Variants in RTTN observed in about 807,000 individuals in gnomAD.
RTTN encodes the protein rotatin.
RTTN carries 182 observed loss-of-function variants against 269.2 expected under a neutral mutation model. The observed-to-expected ratio is 0.68, with a 90% confidence interval of 0.60 to 0.76. RTTN has a LOEUF of 0.76. Ranked by LOEUF, RTTN falls within the 30% of genes least tolerant of loss-of-function variation. The pLI, the probability that RTTN is intolerant of heterozygous loss-of-function variation, is 0.00. For synonymous variants in RTTN, 1,006 were observed against 963.5 expected, an observed-to-expected ratio of 1.04 and a Z score of -0.82; for missense variants, 2,545 against 2,608.6, an observed-to-expected ratio of 0.98 and a Z score of 0.53.
At chr18:70,082,213 T>A (rs1291008787) in intron 32 of RTTN, among the ~76,000 whole-genome samples, 1 of 152,156 alleles carries the variant, frequency 6.6e-6, no homozygotes, top group Non-Finnish European at 1.5e-5. Context: ...CCCTTTACAT[T>A]TAAATGTGAG....
chr18:70,180,926 G>A (rs539198167), intron 10 of RTTN, among the ~76,000 whole-genome samples: 3 of 152,242 alleles, frequency 2.0e-5, no homozygotes, highest in South Asian at 4.2e-4. Context: ...GATATCCCAA[G>A]TGCCTAGCAT....
intron 8 of RTTN, among the ~76,000 whole-genome samples, chr18:70,192,042 T>C (rs905910886): frequency 6.6e-6 from 1 of 152,196 alleles, no homozygotes; most frequent in Non-Finnish European, 1.5e-5. Flanking sequence ...CCAACTGTTA[T>C]GCTCTTAACC....
chr18:70,137,884 A>G (rs1429557607), intron 21 of RTTN, among the ~76,000 whole-genome samples: 1 of 152,220 alleles, frequency 6.6e-6, no homozygotes, highest in East Asian at 1.9e-4. Context: ...TACCATGCTC[A>G]CCAATATAAC....
At chr18:70,205,395 G>A (rs1192542069) in intron 1 of RTTN, 80 bp from the exon 2 acceptor site, 1 of 1,557,958 alleles carries the variant, frequency 6.4e-7, no homozygotes, top group Non-Finnish European at 8.8e-7. Context: ...CAGGAGCGGC[G>A]TGAAGACGGA....
intron 14 of RTTN, among the ~76,000 whole-genome samples, chr18:70,161,785 A>T (rs2060838202): frequency 6.6e-6 from 1 of 152,168 alleles, no homozygotes; most frequent in Non-Finnish European, 1.5e-5. Context: ...TCAAATCAAA[A>T]CCACAATGAG....
At chr18:70,167,874 C>T (rs1568498628) in intron 12 of RTTN, among the ~76,000 whole-genome samples, 1 of 152,032 alleles carries the variant, frequency 6.6e-6, no homozygotes, top group Non-Finnish European at 1.5e-5. Flanking sequence ...AGGCCAGGCA[C>T]GGTGGCTAAC....
At chr18:70,169,101 T>G in intron 11 of RTTN, 34 bp from the exon 12 acceptor site, 1 of 1,500,878 alleles carries the variant, frequency 6.7e-7, no homozygotes, top group Non-Finnish European at 9.0e-7. Flanking sequence ...AAATTAAAAC[T>G]TTGTTTAAAA....
chr18:70,167,084 T>C, intron 12 of RTTN, 53 bp from the exon 13 acceptor site: 1 of 1,159,536 alleles, frequency 8.6e-7, no homozygotes, highest in Non-Finnish European at 1.3e-6. Context: ...TGCAATGATA[T>C]TCTCAACAGC....
intron 34 of RTTN, among the ~76,000 whole-genome samples, chr18:70,066,316 A>C (rs963551404): frequency 6.6e-6 from 1 of 152,204 alleles, no homozygotes; most frequent in Non-Finnish European, 1.5e-5. Context: ...TCCAAATGGC[A>C]CATATAAATT....
rs368417649 is a variant in RTTN, at chr18:70,169,043, T to C, written c.1501A>G (p.Met501Val). 4.2e-5 allele frequency: 67 copies of C among 1,599,504 alleles called. No individual in the cohort carries two copies. Among genetic ancestry groups the C allele is most frequent in the Non-Finnish European group, 5.1e-5 (60 of 1,176,314 alleles). Residue 501 changes from methionine to valine, a missense_variant, in exon 12 of 49, where the codon ATG becomes GTG. Physicochemically the swap from Met to Val is conservative, Grantham distance 21. Coordinates refer to ENST00000640769, the MANE Select transcript of RTTN (RefSeq NM_173630.4). ...EKASEFLSEP[M>V]STALFLLSLD... Reference sequence around the variant, plus strand: ...GAAAGGAGAAATAATGCTGTTGACATAGGCTCTGATAAAAACTCGCTTGCC... The same window carrying C: ...GAAAGGAGAAATAATGCTGTTGACACAGGCTCTGATAAAAACTCGCTTGCC...
chr18:70,157,084 C>T (rs2060698591), intron 14 of RTTN, among the ~76,000 whole-genome samples: 1 of 152,190 alleles, frequency 6.6e-6, no homozygotes, highest in Admixed American at 6.5e-5. Flanking sequence ...ACAGCCAATA[C>T]CTACTGGTGT....
rs562728418 is a variant in RTTN, at chr18:70,104,183, G to T, written c.3903+5315C>A. Among the ~76,000 whole-genome samples, 4 of 152,238 alleles carry T rather than the reference G, an allele frequency of 2.6e-5. No individual in the cohort carries two copies. The South Asian group carries it at 8.3e-4, about 32-fold the overall frequency. ...CCCGTATTTCTTGGAGGCTTTGTTTGTTTCTTTTTATTCTTTTTTCTCTAA... is the reference window on the plus strand; with the variant it reads ...CCCGTATTTCTTGGAGGCTTTGTTTTTTTCTTTTTATTCTTTTTTCTCTAA... On this transcript the variant is annotated intron_variant, in intron 28 of 48. Transcript: ENST00000640769.
intron 4 of RTTN, among the ~76,000 whole-genome samples, chr18:70,201,425 G>A (rs1172967392): frequency 2.0e-5 from 3 of 150,824 alleles, no homozygotes; most frequent in East Asian, 1.9e-4. Context: ...AAAAAAAAAC[G>A]GTGAAACCCC....
At chr18:70,205,039 A>AT in intron 2 of RTTN, 89 bp downstream of exon 2, 1 of 1,346,438 alleles carries the variant, frequency 7.4e-7, no homozygotes, top group South Asian at 1.4e-5. Context: ...TTTAACCCCA[A>AT]TTATTTAACT....
At position 70,196,617 on chromosome 18, in the gene RTTN, C is replaced by CCTA. The variant is rs1555781277; in HGVS notation, c.724_725insTAG (p.Phe241_Gly242insVal). ...TAATGCCAGGCGATGCTTTCCATCT[C>CCTA]CAAAGGCCAGTTTCAACAGAGATAA... On this transcript the variant is annotated inframe_insertion, in exon 7 of 49. Coordinates refer to ENST00000640769, the MANE Select transcript of RTTN (RefSeq NM_173630.4). The CCTA allele has an allele frequency of 6.2e-7, 1 of 1,610,520 alleles. No individual in the cohort carries two copies. The highest frequency in any genetic ancestry group is 8.5e-7 in the Non-Finnish European group (1 of 1,178,758).
In RTTN at chr18:70,054,573, C is replaced by T. The variant is rs568747428; in HGVS notation, c.5032-289G>A. ...TGGCCAGGTGTGGTAGCTAACACAC[C>T]TGTAATGCCAGTCCTTTGAGAGGCC... On this transcript the variant is annotated intron_variant, in intron 37 of 48. Coordinates refer to ENST00000640769, the MANE Select transcript of RTTN (RefSeq NM_173630.4). Among the ~76,000 whole-genome samples, 4 of 152,198 alleles carry T rather than the reference C, an allele frequency of 2.6e-5. No individual in the cohort carries two copies. In the South Asian group the frequency reaches 6.2e-4, roughly 24 times the overall value.
At position 70,086,340 on chromosome 18, in the gene RTTN, T is replaced by C. The variant is rs369239983; in HGVS notation, c.4374+273A>G. Among the ~76,000 whole-genome samples, 33 of 152,270 alleles carry C rather than the reference T, an allele frequency of 2.2e-4. 1 individual carries two copies. Among genetic ancestry groups the C allele is most frequent in the Admixed American group, 5.9e-4 (9 of 15,294 alleles). ...TAACAGTTCACAACTCAAACAATTATACAAGTTACTATGTCTTACATTTCT... is the reference window on the plus strand; with the variant it reads ...TAACAGTTCACAACTCAAACAATTACACAAGTTACTATGTCTTACATTTCT... On this transcript the variant is annotated intron_variant, in intron 32 of 48. Transcript: ENST00000640769.
At chr18:70,073,095 G>A (rs1047477103) in intron 34 of RTTN, among the ~76,000 whole-genome samples, 13 of 151,898 alleles carry the variant, frequency 8.6e-5, no homozygotes, top group African/African-American at 3.1e-4. Flanking sequence ...TTTGTTCCTG[G>A]AAACAGGTGT....
At chr18:70,087,741 T>C (rs1455483858) in intron 31 of RTTN, among the ~76,000 whole-genome samples, 1 of 152,128 alleles carries the variant, frequency 6.6e-6, no homozygotes, top group Non-Finnish European at 1.5e-5. Context: ...TACCTTTCAA[T>C]GCATAATAAA....
Sources: gnomAD v4.1 joint callset for allele counts (sites outside exome capture counted in the v4.1 genomes callset) on GRCh38, gnomAD v4.1.1 for gene constraint, MANE v1.5 for transcripts, NCBI Gene and HGNC (gene_info 2026-07-23, HGNC 2026-07-21) for gene names.